The following SLC7A2 variants were observed in gnomAD, a reference collection of about 807,000 sequenced individuals.
SLC7A2 encodes the protein solute carrier family 7 member 2.
Under a neutral mutation model 58.9 loss-of-function variants are expected in SLC7A2, and 48 were observed. The observed-to-expected ratio is 0.82, with a 90% CI of 0.65 to 1.04. The LOEUF is 1.04. SLC7A2 is among the 50% of genes least tolerant of loss of function. The pLI is 0.00. For missense variants in SLC7A2, 1,029 were observed against 818.8 expected (o/e 1.26, Z -3.13); for synonymous variants, 363 against 314.5 (o/e 1.15, Z -1.63).
chr8:17,533,208 T>A (rs1801530343), intron 2 of SLC7A2, among the ~76,000 whole-genome samples: 1 of 152,242 alleles, frequency 6.6e-6, no homozygotes, highest in East Asian at 1.9e-4. Flanking sequence ...AATAGCAGCA[T>A]TTCAACAATC....
Position 17,537,659 on chromosome 8 carries a change from A to G in SLC7A2, c.-22-5659A>G, listed in dbSNP as rs570727215. On this transcript the variant is annotated intron_variant, in intron 2 of 12. Coordinates refer to ENST00000494857, the MANE Select transcript of SLC7A2 (RefSeq NM_001370338.1). ...AAGGGGCCATTCCTCATGTTTGCAA[A>G]GGCACATATAAGGTGACAGGTCCTA... Among the ~76,000 whole-genome samples the G allele has an allele frequency of 1.2e-3, 180 of 152,222 alleles. 1 individual carries two copies. Among genetic ancestry groups the G allele is most frequent in the African/African-American group, 4.2e-3 (173 of 41,544 alleles).
In SLC7A2 at chr8:17,548,649, A is replaced by G. The variant is rs1563470514; in HGVS notation, c.533-29A>G. 3 of 1,560,274 alleles carry G rather than the reference A, an allele frequency of 1.9e-6. No homozygotes were observed. In the Admixed American group the frequency reaches 5.6e-5, roughly 29 times the overall value. ...ATGCTATTGCCTTTCCTAAAGCTAA[A>G]TAAAAATTGAAATGCCCTTTTTCCA... On this transcript the variant is annotated intron_variant, in intron 4 of 12. Transcript: ENST00000494857.
intron 2 of SLC7A2, among the ~76,000 whole-genome samples, chr8:17,530,147 G>A (rs1310347179): frequency 6.6e-6 from 1 of 152,020 alleles, no homozygotes; most frequent in Admixed American, 6.6e-5. Context: ...AAATAAGCCT[G>A]GTTTCTTAGC....
intron 8 of SLC7A2, among the ~76,000 whole-genome samples, chr8:17,557,006 C>T (rs183625645): frequency 5.3e-5 from 8 of 152,238 alleles, no homozygotes; most frequent in South Asian, 4.1e-4. Flanking sequence ...TCTGCCCCGA[C>T]GGGTAGTCGT....
At chr8:17,539,241 G>A (rs897994025) in intron 2 of SLC7A2, among the ~76,000 whole-genome samples, 2 of 152,168 alleles carry the variant, frequency 1.3e-5, no homozygotes, top group African/African-American at 4.8e-5. Context: ...AAGTTGCTGA[G>A]GAAGGAATTT....
At chr8:17,556,514 A>G (rs1802710370) in intron 8 of SLC7A2, among the ~76,000 whole-genome samples, 3 of 152,034 alleles carry the variant, frequency 2.0e-5, no homozygotes, top group Non-Finnish European at 2.9e-5. Flanking sequence ...GCTTGTGTGG[A>G]CAACTTATCA....
chr8:17,528,146 G>C (rs1165989889), intron 2 of SLC7A2, among the ~76,000 whole-genome samples: 1 of 152,250 alleles, frequency 6.6e-6, no homozygotes, highest in East Asian at 1.9e-4. Flanking sequence ...AGTGGAGGAG[G>C]AGGAAGCAGA....
At chr8:17,510,306 A>G (rs1003393144) in intron 2 of SLC7A2, among the ~76,000 whole-genome samples, 3 of 152,118 alleles carry the variant, frequency 2.0e-5, no homozygotes, top group Non-Finnish European at 2.9e-5. Flanking sequence ...AGAAACGTCA[A>G]AATTGCCTAA....
chr8:17,554,823 AGT>A, intron 8 of SLC7A2, 124 bp downstream of exon 8: 1 of 1,442,374 alleles, frequency 6.9e-7, no homozygotes. Flanking sequence ...CTTTTTTGTG[AGT>A]GTTTCCTATT....
chr8:17,565,133 C>G lies in SLC7A2; in HGVS notation c.1964C>G (p.Thr655Arg). The G allele has an allele frequency of 1.2e-6, 2 of 1,612,304 alleles. No individual in the cohort carries two copies. Among genetic ancestry groups the G allele is most frequent in the African/African-American group, 1.3e-5 (1 of 74,952 alleles). Residue 655 changes from threonine (T) to arginine (R), a missense_variant, in exon 13 of 13, where the codon ACA (threonine) becomes AGA (arginine). Thr to Arg is a moderately conservative substitution (Grantham distance 71, BLOSUM62 -1). Transcript: ENST00000494857. ...LSSPFIFHEK[T>R]SEF ...TCACCTTTCATATTCCATGAAAAGA[C>G]AAGTGAATTCTAACACTTGCAGGAG... is the stretch of plus-strand genomic sequence containing the variant.
At chr8:17,555,077 T>C in intron 8 of SLC7A2, 1 of 1,613,802 alleles carries the variant, frequency 6.2e-7, no homozygotes, top group Non-Finnish European at 8.5e-7. Flanking sequence ...GCAGGGGTCA[T>C]TTCTGGTAAG....
At chr8:17,557,752 A>G (rs1376320288) in intron 8 of SLC7A2, among the ~76,000 whole-genome samples, 1 of 152,074 alleles carries the variant, frequency 6.6e-6, no homozygotes, top group Non-Finnish European at 1.5e-5. Context: ...CGCTTGGACC[A>G]GGGGGGTGGA....
At chr8:17,557,406 A>G (rs1255471379) in intron 8 of SLC7A2, among the ~76,000 whole-genome samples, 1 of 152,220 alleles carries the variant, frequency 6.6e-6, no homozygotes, top group Admixed American at 6.5e-5. Flanking sequence ...ATGCAGGACC[A>G]GAAACTGATC....
Position 17,563,637 on chromosome 8 carries a change from T to C in SLC7A2, c.1706T>C (p.Ile569Thr), listed in dbSNP as rs149153446. ...TTACCATTTTTGCCAGCGTTCAGCA[T>C]CTTGGTGAACATTTACTTGATGGTC... Reference protein sequence around the residue: ...PFLPFLPAFSILVNIYLMVQL... With the variant: ...PFLPFLPAFSTLVNIYLMVQL... Residue 569 changes from isoleucine (I) to threonine (T), a missense_variant, in exon 12 of 13, where the codon ATC (isoleucine) becomes ACC (threonine). Physicochemically the swap from Ile to Thr is moderately conservative, Grantham distance 89. Coordinates refer to ENST00000494857, the MANE Select transcript of SLC7A2 (RefSeq NM_001370338.1). 38 of 1,613,236 alleles carry C rather than the reference T, an allele frequency of 2.4e-5. No homozygotes were observed. Among genetic ancestry groups the C allele is most frequent in the Non-Finnish European group, 3.1e-5 (36 of 1,179,400 alleles).
At chr8:17,553,786 TAAATC>T (rs1166458225) in intron 7 of SLC7A2, among the ~76,000 whole-genome samples, 1 of 152,140 alleles carries the variant, frequency 6.6e-6, no homozygotes, top group Non-Finnish European at 1.5e-5. Context: ...GCAAATAAAA[TAAATC>T]AATAAGAAGG....
At chr8:17,519,326 C>CAGCAGA (rs1800923974) in intron 2 of SLC7A2, among the ~76,000 whole-genome samples, 2 of 152,150 alleles carry the variant, frequency 1.3e-5, no homozygotes, top group Non-Finnish European at 2.9e-5. Context: ...TCAGTAGTAG[C>CAGCAGA]AGCAGAAGTA....
upstream of SLC7A2, among the ~76,000 whole-genome samples, chr8:17,494,083 T>G (rs925218940): frequency 5.9e-5 from 9 of 152,150 alleles, no homozygotes; most frequent in African/African-American, 2.2e-4. Flanking sequence ...GTATCCAGTA[T>G]CCAACCATCT....
chr8:17,507,268 A>G (rs1009926122), intron 2 of SLC7A2, among the ~76,000 whole-genome samples: 4 of 152,152 alleles, frequency 2.6e-5, no homozygotes, highest in Non-Finnish European at 4.4e-5. Flanking sequence ...TAAATTGGGG[A>G]TCAGTACAAT....
At chr8:17,497,555 G>C (rs1404607482) in intron 1 of SLC7A2, among the ~76,000 whole-genome samples, 1 of 152,194 alleles carries the variant, frequency 6.6e-6, no homozygotes, top group African/African-American at 2.4e-5. Flanking sequence ...GGGACCGCTG[G>C]AACTGGGAGA....
Sources: gnomAD v4.1 joint callset for allele counts (sites outside exome capture counted in the v4.1 genomes callset) on GRCh38, gnomAD v4.1.1 for gene constraint, MANE v1.5 for transcripts, NCBI Gene and HGNC (gene_info 2026-07-23, HGNC 2026-07-21) for gene names.